Variants in R3HCC1L observed in about 807,000 individuals in gnomAD.
The protein encoded by R3HCC1L is coiled-coil domain-containing protein R3HCC1L.
Under a neutral mutation model 59.9 loss-of-function variants are expected in R3HCC1L, and 51 were observed. The observed-to-expected ratio is 0.85, with a 90% CI of 0.68 to 1.07. R3HCC1L has a LOEUF of 1.07. Among genes scored for constraint, R3HCC1L ranks in the 50% least tolerant of loss-of-function variants. The pLI is 0.00. For synonymous variants in R3HCC1L, 322 were observed against 315.2 expected, an observed-to-expected ratio of 1.02 and a Z score of -0.23; for missense variants, 965 against 933.0, an observed-to-expected ratio of 1.03 and a Z score of -0.45.
chr10:98,231,762 CTCT>C, intron 6 of R3HCC1L, 75 bp downstream of exon 6: 1 of 1,386,858 alleles, frequency 7.2e-7, no homozygotes, highest in South Asian at 1.4e-5. Flanking sequence ...GAGAAATCAT[CTCT>C]TGTTTTTTAT....
At chr10:98,187,742 T>TA (rs1850373624) in intron 4 of R3HCC1L, among the ~76,000 whole-genome samples, 1 of 149,872 alleles carries the variant, frequency 6.7e-6, no homozygotes, top group Non-Finnish European at 1.5e-5. Context: ...TTTTTTTTTT[T>TA]TTTTTTTTTT....
chr10:98,158,378 C>G (rs1847086045), intron 2 of R3HCC1L, among the ~76,000 whole-genome samples: 1 of 152,158 alleles, frequency 6.6e-6, no homozygotes. Context: ...ATGTGCCAGG[C>G]ACTGTGCTGA....
At chr10:98,137,771 A>G (rs982806285) in intron 1 of R3HCC1L, among the ~76,000 whole-genome samples, 12 of 152,342 alleles carry the variant, frequency 7.9e-5, no homozygotes, top group African/African-American at 2.9e-4. Context: ...TACAACCTGT[A>G]GTAAGAATGC....
chr10:98,207,837 G>A (rs906888778), intron 4 of R3HCC1L, among the ~76,000 whole-genome samples: 2 of 151,864 alleles, frequency 1.3e-5, no homozygotes, highest in Admixed American at 6.6e-5. Context: ...GATGAAACCC[G>A]GTCTCTACCA....
chr10:98,183,672 G>A (rs1454445003), intron 4 of R3HCC1L, among the ~76,000 whole-genome samples: 2 of 152,008 alleles, frequency 1.3e-5, no homozygotes, highest in Admixed American at 6.6e-5. Flanking sequence ...TTTTGTGGGA[G>A]TAGTTTCTGT....
chr10:98,178,007 C>T (rs879410791), intron 4 of R3HCC1L, among the ~76,000 whole-genome samples: 16 of 152,074 alleles, frequency 1.1e-4, no homozygotes, highest in Non-Finnish European at 1.8e-4. Flanking sequence ...CTGTAGGTTG[C>T]CTGTTCACTC....
intron 9 of R3HCC1L, 70 bp downstream of exon 9, chr10:98,236,234 AATG>A (rs1856942645): frequency 2.2e-5 from 34 of 1,556,112 alleles, no homozygotes; most frequent in Non-Finnish European, 2.7e-5. Flanking sequence ...TTTAAAAAAA[AATG>A]AATGAAGCCC....
At chr10:98,168,954 C>T (rs563162435) in intron 4 of R3HCC1L, among the ~76,000 whole-genome samples, 60 of 152,234 alleles carry the variant, frequency 3.9e-4, no homozygotes, top group Admixed American at 2.2e-3. Flanking sequence ...TATTCTTATG[C>T]GGAATAGAAG....
chr10:98,206,523 AATT>A (rs1173773584), intron 4 of R3HCC1L, among the ~76,000 whole-genome samples: 11 of 152,092 alleles, frequency 7.2e-5, no homozygotes, highest in African/African-American at 2.7e-4. Flanking sequence ...TTTACATCTA[AATT>A]ATTGTATAAA....
chr10:98,202,572 G>A (rs1852169335), intron 4 of R3HCC1L, among the ~76,000 whole-genome samples: 1 of 152,076 alleles, frequency 6.6e-6, no homozygotes, highest in African/African-American at 2.4e-5. Context: ...ATAGAGTGGG[G>A]GCCGGGCGCG....
chr10:98,173,440 A>G (rs745939211), intron 4 of R3HCC1L, among the ~76,000 whole-genome samples: 3 of 152,098 alleles, frequency 2.0e-5, no homozygotes, highest in Admixed American at 2.0e-4. Context: ...GGGTAGAGGG[A>G]GCCTAATGTA....
chr10:98,244,295 C>A lies in R3HCC1L; in HGVS notation c.*137C>A. The A allele has an allele frequency of 2.6e-6, 2 of 772,060 alleles. No homozygotes were observed. Among genetic ancestry groups the A allele is most frequent in the Non-Finnish European group, 4.2e-6 (2 of 479,660 alleles). 47.8% of individuals were successfully genotyped at this position (772,060 alleles called of 1,614,324 possible). A position where few individuals can be genotyped will look rare whatever the true frequency, so the allele number is the denominator to read the frequency against. ...ATAAAGTGATCGAGACAAGGACTGA[C>A]TGGGTATAGAAGGAAGACAGACTCC... On this transcript the variant is annotated 3_prime_UTR_variant, in exon 10 of 10. Coordinates refer to ENST00000298999, the MANE Select transcript of R3HCC1L (RefSeq NM_001351015.2).
At position 98,209,271 on chromosome 10, in the gene R3HCC1L, G is replaced by C. The variant is rs1402847651; in HGVS notation, c.1157G>C (p.Ser386Thr). Reference sequence around the variant, plus strand: ...ATGGACACTACAGGTATGTCCTGTAGTGATCATGTAACTGTTGATAGCCCT... The same window carrying C: ...ATGGACACTACAGGTATGTCCTGTACTGATCATGTAACTGTTGATAGCCCT... ...CMMDTTGMSC[S>T]DHVTVDSPYV... The change falls in exon 5 of 10, where the codon AGT (serine) becomes ACT (threonine). Residue 386 changes from serine (S) to threonine (T), a missense_variant. Physicochemically the swap from Ser to Thr is moderately conservative, Grantham distance 58. Transcript: ENST00000298999. 2 of 1,613,822 alleles carry C rather than the reference G, an allele frequency of 1.2e-6. No homozygotes were observed. The highest frequency in any genetic ancestry group is 3.3e-5 in the Admixed American group (2 of 60,000).
intron 2 of R3HCC1L, among the ~76,000 whole-genome samples, chr10:98,160,415 A>G (rs765597336): frequency 2.0e-5 from 3 of 152,228 alleles, no homozygotes; most frequent in Non-Finnish European, 4.4e-5. Context: ...ATGTGTTGAA[A>G]TATTTTAAGT....
At chr10:98,151,911 T>C (rs926735345) in intron 1 of R3HCC1L, among the ~76,000 whole-genome samples, 14 of 152,150 alleles carry the variant, frequency 9.2e-5, no homozygotes, top group Admixed American at 2.0e-4. Flanking sequence ...GCTCGCTCTC[T>C]CTCTCTCCCT....
chr10:98,211,556 C>G (rs896165226), intron 5 of R3HCC1L, among the ~76,000 whole-genome samples: 1 of 152,062 alleles, frequency 6.6e-6, no homozygotes, highest in Non-Finnish European at 1.5e-5. Context: ...AAACAGTGTT[C>G]GCAAGAGTTG....
chr10:98,230,052 T>C (rs949598201), intron 5 of R3HCC1L, among the ~76,000 whole-genome samples: 4 of 152,194 alleles, frequency 2.6e-5, no homozygotes, highest in African/African-American at 4.8e-5. Flanking sequence ...CTTTTTTTGT[T>C]GTGTCTCTGC....
chr10:98,159,508 C>T (rs968131911), intron 2 of R3HCC1L, among the ~76,000 whole-genome samples: 1 of 152,174 alleles, frequency 6.6e-6, no homozygotes, highest in African/African-American at 2.4e-5. Context: ...AACTTTCACT[C>T]ACTAATTTTA....
chr10:98,151,044 G>T (rs73323844), intron 1 of R3HCC1L, among the ~76,000 whole-genome samples: 2 of 152,176 alleles, frequency 1.3e-5, no homozygotes, highest in East Asian at 3.9e-4. Flanking sequence ...ATGGAAGTTC[G>T]GTTTTCCTTT....
Sources: gnomAD v4.1 joint callset for allele counts (sites outside exome capture counted in the v4.1 genomes callset) on GRCh38, gnomAD v4.1.1 for gene constraint, MANE v1.5 for transcripts, NCBI Gene and HGNC (gene_info 2026-07-23, HGNC 2026-07-21) for gene names.